Variants in TGM7 observed in about 807,000 individuals in gnomAD.
The protein encoded by TGM7 is protein-glutamine gamma-glutamyltransferase Z.
Under a neutral mutation model 79.5 loss-of-function variants are expected in TGM7, and 74 were observed. The observed-to-expected ratio is 0.93, with a 90% CI of 0.77 to 1.13. The LOEUF is 1.13. Ranked by LOEUF, TGM7 falls within the 50% of genes most tolerant of loss-of-function variation. The probability of loss-of-function intolerance (pLI) is 0.00; values close to 1 mark genes in which losing one functional copy is unlikely to be tolerated. For missense variants in TGM7, 912 were observed against 905.9 expected (o/e 1.01, Z -0.09); for synonymous variants, 354 against 362.5 (o/e 0.98, Z 0.27).
chr15:43,292,166 C>T (rs2042966916), intron 3 of TGM7, 69 bp from the exon 4 acceptor site: 2 of 1,078,904 alleles, frequency 1.9e-6, no homozygotes, highest in South Asian at 2.6e-5. Context: ...AATTAAAAAA[C>T]AGTAACGACA....
chr15:43,281,253 G>T (rs2042907103), intron 9 of TGM7, among the ~76,000 whole-genome samples: 1 of 152,224 alleles, frequency 6.6e-6, no homozygotes, highest in Admixed American at 6.5e-5. Context: ...CTTACACAGG[G>T]CATGGCAGAG....
At position 43,293,430 on chromosome 15, in the gene TGM7, TG is replaced by T; in HGVS notation, c.193+18del. 6.3e-7 allele frequency: 1 copy of T among 1,578,220 alleles called. No homozygotes were observed. Reference sequence around the variant, plus strand: ...CATTTTGACGGAACCTGCGGGGCCTTGGGACAGGGCAAACTCACCGGTCTCA... The same window carrying T: ...CATTTTGACGGAACCTGCGGGGCCTTGGACAGGGCAAACTCACCGGTCTCA... On this transcript the variant is annotated intron_variant, in intron 2 of 12. Coordinates refer to ENST00000452443, the MANE Select transcript of TGM7 (RefSeq NM_052955.3).
intron 4 of TGM7, among the ~76,000 whole-genome samples, chr15:43,288,129 C>T (rs1461444691): frequency 3.9e-5 from 6 of 152,194 alleles, no homozygotes; most frequent in East Asian, 3.8e-4. Context: ...TAGGGCCACA[C>T]GTGCCAGTCT....
At chr15:43,297,201 A>C (rs1174681293) in intron 1 of TGM7, among the ~76,000 whole-genome samples, 2 of 152,168 alleles carry the variant, frequency 1.3e-5, no homozygotes, top group Non-Finnish European at 2.9e-5. Flanking sequence ...CACGGCTGTA[A>C]TCCCAGCACT....
chr15:43,300,747 A>G (rs920247243), intron 1 of TGM7, among the ~76,000 whole-genome samples: 7 of 152,144 alleles, frequency 4.6e-5, no homozygotes, highest in Non-Finnish European at 1.0e-4. Context: ...CTTGCAGTGA[A>G]CCGAGATTGC....
At chr15:43,287,753 G>T in intron 4 of TGM7, 84 bp from the exon 5 acceptor site, 2 of 1,514,506 alleles carry the variant, frequency 1.3e-6, no homozygotes, top group Non-Finnish European at 8.9e-7. Context: ...GACTTTTGGG[G>T]ATGGCATGTA....
intron 6 of TGM7, among the ~76,000 whole-genome samples, chr15:43,287,012 G>T (rs868298535): frequency 6.6e-6 from 1 of 152,106 alleles, no homozygotes; most frequent in African/African-American, 2.4e-5. Flanking sequence ...TTTCTGCTTC[G>T]GGACCACAAA....
intron 7 of TGM7, 24 bp from the exon 8 acceptor site, chr15:43,282,644 A>G (rs111459322): frequency 1.7e-5 from 26 of 1,564,502 alleles, no homozygotes; most frequent in African/African-American, 1.6e-4. Context: ...TAAGGAGACA[A>G]GGATTCATGT....
At chr15:43,285,919 G>C (rs570834591) in intron 6 of TGM7, among the ~76,000 whole-genome samples, 1 of 152,204 alleles carries the variant, frequency 6.6e-6, no homozygotes, top group African/African-American at 2.4e-5. Context: ...GCAAGAGCCA[G>C]GTGTGACCCT....
intron 1 of TGM7, among the ~76,000 whole-genome samples, chr15:43,301,524 G>A (rs1205331000): frequency 6.6e-6 from 1 of 151,550 alleles, no homozygotes; most frequent in Non-Finnish European, 1.5e-5. Flanking sequence ...CAGCTACTCA[G>A]GAGGCTGAGG....
At chr15:43,281,740 G>A in intron 9 of TGM7, 104 bp downstream of exon 9, 4 of 1,532,206 alleles carry the variant, frequency 2.6e-6, no homozygotes, top group Non-Finnish European at 3.5e-6. Context: ...TTGCCATGAG[G>A]AAGAGGTGAT....
intron 4 of TGM7, among the ~76,000 whole-genome samples, chr15:43,291,050 T>C (rs1005233211): frequency 1.3e-5 from 2 of 152,222 alleles, no homozygotes; most frequent in African/African-American, 4.8e-5. Context: ...TTGAATACCC[T>C]TTATTTCCTT....
chr15:43,301,210 T>C (rs951745722), intron 1 of TGM7, among the ~76,000 whole-genome samples: 1 of 151,850 alleles, frequency 6.6e-6, no homozygotes, highest in African/African-American at 2.4e-5. Context: ...CTCGAACTCC[T>C]CAGCTCAAGC....
rs1378985524 is a variant in TGM7, at chr15:43,279,100, C to T, written c.1839+17G>A. 6.2e-7 allele frequency: 1 copy of T among 1,605,012 alleles called. No individual in the cohort carries two copies. The highest frequency in any genetic ancestry group is 1.3e-5 in the African/African-American group (1 of 74,686). ...AGTCAGAGAGCCTCAGAGCCCCCAC[C>T]CATGTCCAGACACTACCTCAATAGA... On this transcript the variant is annotated intron_variant, in intron 11 of 12. Transcript: ENST00000452443.
Position 43,298,246 on chromosome 15 carries a change from G to A in TGM7, c.10+3995C>T, listed in dbSNP as rs149807701. Among the ~76,000 whole-genome samples, 41 of 152,288 alleles carry A rather than the reference G, an allele frequency of 2.7e-4. No homozygotes were observed. The South Asian group carries it at 5.6e-3, about 21-fold the overall frequency. The stretch of plus-strand genomic sequence containing the variant: ...GCTGAATGGATAGACACACATGTGC[G>A]TGAGGTTCAAGGAGAATCATCCTGC... On this transcript the variant is annotated intron_variant, in intron 1 of 12. Transcript: ENST00000452443.
rs376541022 is a variant in TGM7 at position 43,292,974 on chromosome 15, C to G, written c.194-20G>C. 7.5e-6 allele frequency: 12 copies of G among 1,609,574 alleles called. No homozygotes were observed. The highest frequency in any genetic ancestry group is 1.7e-5 in the Admixed American group (1 of 59,766). On this transcript the variant is annotated intron_variant, in intron 2 of 12. Coordinates refer to ENST00000452443, the MANE Select transcript of TGM7 (RefSeq NM_052955.3). ...TGGGTCCTGTGTAGGAGAGAATGAC[C>G]CCACAGTGAGGCTCAAAAAACCTGT...
At chr15:43,280,375 G>A (rs1298879284) in intron 9 of TGM7, among the ~76,000 whole-genome samples, 1 of 152,156 alleles carries the variant, frequency 6.6e-6, no homozygotes, top group African/African-American at 2.4e-5. Context: ...TGTAATCCCA[G>A]CAATTTGGGA....
chr15:43,292,469 G>C (rs924977589), intron 3 of TGM7, among the ~76,000 whole-genome samples: 1 of 152,164 alleles, frequency 6.6e-6, no homozygotes, highest in South Asian at 2.1e-4. Flanking sequence ...CTCTCTTTCT[G>C]TGCATACTTA....
At position 43,282,620 on chromosome 15, in the gene TGM7, C is replaced by T. The variant is rs762063262; in HGVS notation, c.1005G>A (p.Trp335Ter). 1.3e-6 allele frequency: 2 copies of T among 1,590,622 alleles called. No homozygotes were observed. The highest frequency in any genetic ancestry group is 1.7e-6 in the Non-Finnish European group (2 of 1,167,494). ...AGCACTCATTCCAGACGTGGAAGTT[C>T]CTGCAGGAGGGAGTAAGGAGACAAG... The part of the protein sequence containing the change: ...MLSTQKRDKI[W>*]NFHVWNECWM... The change falls in exon 8 of 13, where the codon TGG becomes TGA. Residue 335 changes from tryptophan to a stop codon, truncating the protein, a stop_gained and splice_region_variant. Coordinates refer to ENST00000452443, the MANE Select transcript of TGM7 (RefSeq NM_052955.3). LOFTEE classifies it high-confidence loss of function.
Sources: gnomAD v4.1 joint callset for allele counts (sites outside exome capture counted in the v4.1 genomes callset) on GRCh38, gnomAD v4.1.1 for gene constraint, MANE v1.5 for transcripts, NCBI Gene and HGNC (gene_info 2026-07-23, HGNC 2026-07-21) for gene names.